HSD17B3: variants seen among roughly 807,000 people sequenced by gnomAD.
The protein encoded by HSD17B3 is hydroxysteroid 17-beta dehydrogenase 3, also known as 17-beta-hydroxysteroid dehydrogenase type 3.
HSD17B3 carries 29 observed loss-of-function variants against 41.1 expected under a neutral mutation model. That is an observed-to-expected ratio of 0.71 (90% CI 0.53 to 0.96). The LOEUF (loss-of-function observed/expected upper bound fraction) is 0.96. Ranked by LOEUF, HSD17B3 falls within the 40% of genes least tolerant of loss-of-function variation. The probability of loss-of-function intolerance (pLI) is 0.00; values close to 1 mark genes in which losing one functional copy is unlikely to be tolerated. For synonymous variants in HSD17B3, 126 were observed against 145.6 expected (o/e 0.87, Z 0.97); for missense variants, 323 against 374.6 (o/e 0.86, Z 1.14).
intron 9 of HSD17B3, among the ~76,000 whole-genome samples, chr9:96,241,778 T>C (rs1205041872): frequency 6.6e-6 from 1 of 151,446 alleles, no homozygotes; most frequent in Non-Finnish European, 1.5e-5. Context: ...CCATTAAAAA[T>C]AGAAAAATTA....
chr9:96,245,635 G>A (rs1026533706), intron 7 of HSD17B3, among the ~76,000 whole-genome samples: 4 of 152,232 alleles, frequency 2.6e-5, no homozygotes, highest in East Asian at 3.9e-4. Context: ...GATTTCCGCC[G>A]CACAGTGATG....
At chr9:96,262,833 A>C (rs1418678433) in intron 2 of HSD17B3, among the ~76,000 whole-genome samples, 1 of 151,562 alleles carries the variant, frequency 6.6e-6, no homozygotes, top group African/African-American at 2.4e-5. Context: ...ATGTTTTTTC[A>C]TTCCTTTATT....
At chr9:96,276,886 A>G (rs1476382058) in intron 2 of HSD17B3, among the ~76,000 whole-genome samples, 2 of 152,190 alleles carry the variant, frequency 1.3e-5, no homozygotes, top group African/African-American at 2.4e-5. Context: ...ACAAGCAACA[A>G]AATAAAAATA....
chr9:96,240,147 G>A (rs1365941508), intron 10 of HSD17B3, among the ~76,000 whole-genome samples: 2 of 152,032 alleles, frequency 1.3e-5, no homozygotes, highest in African/African-American at 4.8e-5. Flanking sequence ...CTAGATGACG[G>A]GTTGATAGGT....
At chr9:96,244,587 A>G (rs1210219204) in intron 8 of HSD17B3, among the ~76,000 whole-genome samples, 193 bp from the exon 9 acceptor site, 1 of 152,106 alleles carries the variant, frequency 6.6e-6, no homozygotes, top group Non-Finnish European at 1.5e-5. Context: ...ACTATACAGC[A>G]TGGTGACAAA....
At chr9:96,251,187 TG>T (rs1836887383) in intron 5 of HSD17B3, 1 of 585,660 alleles carries the variant, frequency 1.7e-6, no homozygotes, top group East Asian at 2.8e-5. Context: ...TAAGTTTTGA[TG>T]TGCAGAGAAG....
At chr9:96,267,830 C>T (rs1826096075) in intron 2 of HSD17B3, among the ~76,000 whole-genome samples, 1 of 152,152 alleles carries the variant, frequency 6.6e-6, no homozygotes, top group African/African-American at 2.4e-5. Context: ...ACCAAGCAGA[C>T]AGGATGAATG....
chr9:96,263,931 C>T (rs1247374960), intron 2 of HSD17B3, among the ~76,000 whole-genome samples: 1 of 151,904 alleles, frequency 6.6e-6, no homozygotes, highest in Admixed American at 6.6e-5. Flanking sequence ...TATAGATATA[C>T]AACATCTATA....
intron 2 of HSD17B3, among the ~76,000 whole-genome samples, chr9:96,289,714 C>G (rs555610667): frequency 2.3e-4 from 35 of 152,268 alleles, no homozygotes; most frequent in Admixed American, 9.2e-4. Context: ...GGGGGGCGCC[C>G]GAGAACACTT....
intron 10 of HSD17B3, among the ~76,000 whole-genome samples, chr9:96,240,495 TG>T (rs1836394791): frequency 6.6e-6 from 1 of 152,162 alleles, no homozygotes; most frequent in African/African-American, 2.4e-5. Context: ...TGGTCTTCCC[TG>T]CCCAACAGCT....
chr9:96,300,966 T>C (rs367609914), intron 1 of HSD17B3, among the ~76,000 whole-genome samples: 72 of 152,348 alleles, frequency 4.7e-4, no homozygotes, highest in Middle Eastern at 3.4e-3. Context: ...TGGAAACACC[T>C]TTTAGTAAAG....
At chr9:96,264,440 A>G (rs1184703616) in intron 2 of HSD17B3, among the ~76,000 whole-genome samples, 1 of 152,208 alleles carries the variant, frequency 6.6e-6, no homozygotes, top group Admixed American at 6.5e-5. Flanking sequence ...AGAAAAAAAA[A>G]GTGGGATAAA....
chr9:96,274,493 A>G (rs1826376316), intron 2 of HSD17B3, among the ~76,000 whole-genome samples: 1 of 152,120 alleles, frequency 6.6e-6, no homozygotes, highest in Non-Finnish European at 1.5e-5. Context: ...CAGATAGACA[A>G]CTCAACAAAA....
chr9:96,291,964 G>T (rs1260169332), intron 2 of HSD17B3, among the ~76,000 whole-genome samples: 1 of 142,434 alleles, frequency 7.0e-6, no homozygotes, highest in African/African-American at 2.6e-5. Flanking sequence ...CTCAAAAAAA[G>T]AAAAAAAAAA....
intron 2 of HSD17B3, among the ~76,000 whole-genome samples, chr9:96,258,708 A>T (rs1337932816): frequency 6.6e-6 from 1 of 152,198 alleles, no homozygotes; most frequent in African/African-American, 2.4e-5. Context: ...TTAGGGAAAA[A>T]TTTATATCTT....
chr9:96,287,047 C>G (rs532270686), intron 2 of HSD17B3, among the ~76,000 whole-genome samples: 1 of 152,276 alleles, frequency 6.6e-6, no homozygotes, highest in East Asian at 1.9e-4. Flanking sequence ...GATCAGGACC[C>G]CTTTCCTGTA....
chr9:96,248,932 G>A (rs953775900), intron 6 of HSD17B3, among the ~76,000 whole-genome samples: 2 of 149,222 alleles, frequency 1.3e-5, no homozygotes, highest in Admixed American at 1.3e-4. Context: ...TGGAGACAGA[G>A]ACTTTCTCTG....
chr9:96,288,362 ATTCACTC>A (rs1827005352), intron 2 of HSD17B3, among the ~76,000 whole-genome samples: 1 of 152,202 alleles, frequency 6.6e-6, no homozygotes, highest in Non-Finnish European at 1.5e-5. Context: ...AGTCAATTAT[ATTCACTC>A]TCACAGGTGA....
At chr9:96,270,035 T>C (rs1826182365) in intron 2 of HSD17B3, among the ~76,000 whole-genome samples, 1 of 152,104 alleles carries the variant, frequency 6.6e-6, no homozygotes, top group East Asian at 1.9e-4. Context: ...ACCACTTTGT[T>C]AAAAAGCAAG....
Sources: gnomAD v4.1 joint callset for allele counts (sites outside exome capture counted in the v4.1 genomes callset) on GRCh38, gnomAD v4.1.1 for gene constraint, MANE v1.5 for transcripts, NCBI Gene and HGNC (gene_info 2026-07-23, HGNC 2026-07-21) for gene names.